The following SLC8A1 variants were observed in gnomAD, a reference collection of about 807,000 sequenced individuals.
SLC8A1 encodes solute carrier family 8 member A1.
In SLC8A1, 18 loss-of-function variants were observed where a neutral mutation model predicts 68.3. The ratio of observed to expected loss-of-function variants is 0.26; its 90% CI spans 0.18 to 0.39. The LOEUF (loss-of-function observed/expected upper bound fraction) is 0.39. Ranked by LOEUF, SLC8A1 falls within the 10% of genes least tolerant of loss-of-function variation. The pLI is 1.00. For synonymous variants in SLC8A1, 475 were observed against 415.5 expected (o/e 1.14, Z -1.74); for missense variants, 985 against 1,156.7 (o/e 0.85, Z 2.15).
At chr2:40,464,968 C>T (rs781595599) in intron 1 of SLC8A1, among the ~76,000 whole-genome samples, 1 of 152,088 alleles carries the variant, frequency 6.6e-6, no homozygotes, top group Non-Finnish European at 1.5e-5. Flanking sequence ...GAGGTGTTCT[C>T]TCCTTACTCC....
chr2:40,361,887 C>CATTTTTTTTTTTTTTTTT (rs1674732734), intron 2 of SLC8A1, among the ~76,000 whole-genome samples: 1 of 53,104 alleles, frequency 1.9e-5, no homozygotes, highest in African/African-American at 8.9e-5. Context: ...CTTTTCTTTC[C>CATTTTTTTTTTTTTTTTT]TTTTTTTTTT....
chr2:40,491,310 C>A (rs907397898), intron 1 of SLC8A1, among the ~76,000 whole-genome samples: 12 of 152,092 alleles, frequency 7.9e-5, no homozygotes, highest in African/African-American at 2.9e-4. Context: ...TATAAGAATG[C>A]TTGTGATTTT....
At chr2:40,247,181 G>GGTGA (rs889671588) in intron 2 of SLC8A1, among the ~76,000 whole-genome samples, 52 of 152,082 alleles carry the variant, frequency 3.4e-4, no homozygotes, top group African/African-American at 1.2e-3. Context: ...TTTGAGCCTT[G>GGTGA]GTGAGTTTTC....
intron 2 of SLC8A1, among the ~76,000 whole-genome samples, chr2:40,343,064 AAATT>A (rs1003594193): frequency 3.3e-5 from 5 of 152,132 alleles, no homozygotes; most frequent in African/African-American, 1.2e-4. Context: ...ATATTGGAAT[AAATT>A]ATTTTTTTCT....
intron 2 of SLC8A1, among the ~76,000 whole-genome samples, chr2:40,419,146 G>A (rs571759533): frequency 6.6e-6 from 1 of 152,340 alleles, no homozygotes; most frequent in African/African-American, 2.4e-5. Context: ...CATCTTGCAA[G>A]GGGCTTGGCA....
intron 2 of SLC8A1, among the ~76,000 whole-genome samples, chr2:40,340,849 G>C (rs897462256): frequency 6.6e-6 from 1 of 152,126 alleles, no homozygotes; most frequent in African/African-American, 2.4e-5. Context: ...AGTTATTTCA[G>C]AGACAATGAG....
intron 2 of SLC8A1, among the ~76,000 whole-genome samples, chr2:40,187,584 G>A (rs1183929583): frequency 2.0e-5 from 3 of 152,078 alleles, no homozygotes; most frequent in African/African-American, 4.8e-5. Flanking sequence ...GAAACTTAAT[G>A]GCAACCAGTT....
chr2:40,255,169 T>C (rs890736529), intron 2 of SLC8A1: 1 of 152,136 alleles, frequency 6.6e-6, no homozygotes, highest in Non-Finnish European at 1.5e-5. Context: ...CATGTTAACA[T>C]GACAAACAAC....
At chr2:40,158,148 A>G (rs1405420306) in intron 6 of SLC8A1, among the ~76,000 whole-genome samples, 2 of 152,258 alleles carry the variant, frequency 1.3e-5, no homozygotes, top group Non-Finnish European at 2.9e-5. Context: ...AAAGCAATTT[A>G]ATATTTGTAA....
intron 1 of SLC8A1, among the ~76,000 whole-genome samples, chr2:40,449,915 T>C (rs1702119924): frequency 6.6e-6 from 1 of 152,194 alleles, no homozygotes; most frequent in Non-Finnish European, 1.5e-5. Context: ...ACAACAACCA[T>C]TTTAAGGGGA....
chr2:40,182,758 A>G (rs1399843269), intron 2 of SLC8A1, among the ~76,000 whole-genome samples: 1 of 152,218 alleles, frequency 6.6e-6, no homozygotes, highest in African/African-American at 2.4e-5. Context: ...AGGGTTGAAA[A>G]AGAAAGTCTC....
intron 1 of SLC8A1, among the ~76,000 whole-genome samples, chr2:40,481,506 C>T (rs1704625641): frequency 1.3e-5 from 2 of 152,048 alleles, no homozygotes; most frequent in African/African-American, 4.8e-5. Context: ...AAGAATGCAA[C>T]CAGATTTTTT....
At chr2:40,310,239 C>T (rs528952395) in intron 2 of SLC8A1, among the ~76,000 whole-genome samples, 10 of 152,286 alleles carry the variant, frequency 6.6e-5, no homozygotes, top group Admixed American at 2.0e-4. Context: ...AGTCTTATGA[C>T]GAGCCTTGGA....
chr2:40,471,975 C>A (rs1032879573), intron 1 of SLC8A1, among the ~76,000 whole-genome samples: 3 of 152,122 alleles, frequency 2.0e-5, no homozygotes, highest in African/African-American at 7.2e-5. Context: ...GGATAGAGAA[C>A]TCTTCCTGCT....
Position 40,107,279 on chromosome 2 carries a change from C to CAAAAAAAAAAAAAAAAAAAAA in SLC8A1, c.*7973_*7974insTTTTTTTTTTTTTTTTTTTTT, listed in dbSNP as rs70957143. ...TGGGCGACAGAGCGAGACTCCGTCT[C>CAAAAAAAAAAAAAAAAAAAAA]AAAAAAAAAAAAAAAAAAAAGAAAA... On this transcript the variant is annotated 3_prime_UTR_variant, in exon 8 of 8. Transcript: ENST00000406785. The CAAAAAAAAAAAAAAAAAAAAA allele has an allele frequency of 1.5e-3, 97 of 64,902 alleles. 7 individuals carry two copies. Among genetic ancestry groups the CAAAAAAAAAAAAAAAAAAAAA allele is most frequent in the African/African-American group, 5.0e-3 (80 of 16,118 alleles). The allele number at this position is 64,902 out of a possible 1,614,324, so 4.0% of individuals were successfully genotyped here.
intron 2 of SLC8A1, among the ~76,000 whole-genome samples, chr2:40,427,775 C>A (rs916547097): frequency 6.6e-6 from 1 of 152,146 alleles, no homozygotes; most frequent in African/African-American, 2.4e-5. Context: ...CCTTATTTCT[C>A]TCTCCATCAC....
chr2:40,348,023 T>G (rs1316805943), intron 2 of SLC8A1, among the ~76,000 whole-genome samples: 1 of 152,206 alleles, frequency 6.6e-6, no homozygotes, highest in Non-Finnish European at 1.5e-5. Flanking sequence ...GCTCCAGTGC[T>G]TCTTTATTTA....
chr2:40,196,711 AT>A (rs537661118), intron 2 of SLC8A1, among the ~76,000 whole-genome samples: 7 of 152,062 alleles, frequency 4.6e-5, no homozygotes, highest in Non-Finnish European at 1.0e-4. Context: ...GCCTTAAAAA[AT>A]AACCCTTTTC....
intron 1 of SLC8A1, among the ~76,000 whole-genome samples, chr2:40,444,578 C>T (rs950281130): frequency 6.6e-6 from 1 of 152,180 alleles, no homozygotes; most frequent in Non-Finnish European, 1.5e-5. Context: ...ATAATCTATA[C>T]TGTGTGTGTC....
Sources: allele counts gnomAD v4.1 joint callset (sites outside exome capture counted in the v4.1 genomes callset), GRCh38; gene constraint gnomAD v4.1.1; transcripts MANE v1.5; gene names NCBI Gene and HGNC (gene_info 2026-07-23, HGNC 2026-07-21).